Variants in TNS3 observed in about 807,000 individuals in gnomAD.
TNS3 encodes the protein tensin-3.
Under a neutral mutation model 140.9 loss-of-function variants are expected in TNS3, and 45 were observed. That is an observed-to-expected ratio of 0.32 (90% CI 0.25 to 0.41). The LOEUF (loss-of-function observed/expected upper bound fraction) is 0.41. Ranked by LOEUF, TNS3 falls within the 10% of genes least tolerant of loss-of-function variation. TNS3 has a pLI of 1.00. For missense variants in TNS3, 1,716 were observed against 1,906.7 expected, an observed-to-expected ratio of 0.90 and a Z score of 1.86; for synonymous variants, 815 against 788.4, an observed-to-expected ratio of 1.03 and a Z score of -0.56.
chr7:47,311,638 T>G (rs775297500), intron 20 of TNS3, among the ~76,000 whole-genome samples: 2 of 151,978 alleles, frequency 1.3e-5, no homozygotes, highest in Non-Finnish European at 2.9e-5. Context: ...GGAACAAGAC[T>G]GAGAAATACA....
intron 27 of TNS3, among the ~76,000 whole-genome samples, chr7:47,291,226 A>G (rs959384126): frequency 2.6e-5 from 4 of 152,128 alleles, no homozygotes; most frequent in Non-Finnish European, 4.4e-5. Context: ...GGGCAATAAA[A>G]CTATTCACTA....
intron 27 of TNS3, 55 bp downstream of exon 27, chr7:47,291,900 T>C: frequency 1.9e-6 from 3 of 1,570,810 alleles, no homozygotes; most frequent in Non-Finnish European, 1.7e-6. Flanking sequence ...GTTGTGTCAG[T>C]GAGTCCTTTT....
chr7:47,553,649 A>G (rs75494666), intron 1 of TNS3, among the ~76,000 whole-genome samples: 1,875 of 152,338 alleles, frequency 0.012, 36 homozygotes, highest in African/African-American at 0.042. Context: ...GTTTCAAAAT[A>G]TTACTACCTG....
At chr7:47,337,191 G>A (rs374273941) in intron 20 of TNS3, among the ~76,000 whole-genome samples, 13 of 152,206 alleles carry the variant, frequency 8.5e-5, no homozygotes, top group African/African-American at 2.9e-4. Flanking sequence ...TCTATTCCTC[G>A]GTCATAAATC....
chr7:47,354,622 A>G (rs1789882585), intron 17 of TNS3, among the ~76,000 whole-genome samples: 1 of 151,684 alleles, frequency 6.6e-6, no homozygotes, highest in Non-Finnish European at 1.5e-5. Flanking sequence ...AAAAAAAAAA[A>G]TCCTGCATCC....
intron 1 of TNS3, among the ~76,000 whole-genome samples, chr7:47,548,766 T>C (rs1267081902): frequency 6.6e-6 from 1 of 152,116 alleles, no homozygotes; most frequent in African/African-American, 2.4e-5. Flanking sequence ...ACTCCAAGCT[T>C]CTTCTCCCCT....
In TNS3 at chr7:47,391,728, G is replaced by A. The variant is rs542206007; in HGVS notation, c.1024+5072C>T. ...ATCCAGGGACACATATGCTGCTGTG[G>A]GCATTCCCTTAGACCATCACAGCAA... is the stretch of plus-strand genomic sequence containing the variant. On this transcript the variant is annotated intron_variant, in intron 16 of 30. Transcript: ENST00000311160. Among the ~76,000 whole-genome samples the A allele has an allele frequency of 9.9e-5, 15 of 152,252 alleles. No individual in the cohort carries two copies. In the South Asian group the frequency reaches 3.1e-3, roughly 32 times the overall value.
chr7:47,435,858 C>A (rs967849629), intron 7 of TNS3, among the ~76,000 whole-genome samples: 1 of 152,194 alleles, frequency 6.6e-6, no homozygotes, highest in African/African-American at 2.4e-5. Context: ...AAAGGCAGCA[C>A]TTAAGGAGGA....
intron 17 of TNS3, 21 bp downstream of exon 17, chr7:47,368,344 T>C: frequency 6.8e-7 from 1 of 1,463,654 alleles, no homozygotes. Flanking sequence ...GTGGAGCACC[T>C]CCCATGGAGA....
chr7:47,281,923 C>A (rs1584303333), intron 28 of TNS3, among the ~76,000 whole-genome samples: 1 of 148,252 alleles, frequency 6.7e-6, no homozygotes, highest in African/African-American at 2.5e-5. Flanking sequence ...CCTAGCCATG[C>A]CCCTGACCCT....
chr7:47,389,077 AGAAGAAGAG>A (rs1353066150), intron 16 of TNS3, among the ~76,000 whole-genome samples: 14 of 61,250 alleles, frequency 2.3e-4, no homozygotes, highest in African/African-American at 1.1e-3. Flanking sequence ...AAGAAGAAGA[AGAAGAAGAG>A]GAAGAGGAAG....
At position 47,320,900 on chromosome 7, in the gene TNS3, T is replaced by G. The variant is rs1055718812; in HGVS notation, c.2651-15897A>C. ...CAGAGTTCTCAGGGAATCTGCCAAG[T>G]TAGGGCATGAAAGGTGTTTACAGCA... On this transcript the variant is annotated intron_variant, in intron 20 of 30. Coordinates refer to ENST00000311160, the MANE Select transcript of TNS3 (RefSeq NM_022748.12). 3.3e-5 allele frequency among the ~76,000 whole-genome samples: 5 copies of G among 152,268 alleles called. No individual in the cohort carries two copies. The South Asian group carries it at 8.3e-4, about 25-fold the overall frequency.
chr7:47,564,658 AAC>A, intron 1 of TNS3, among the ~76,000 whole-genome samples: 4 of 148,668 alleles, frequency 2.7e-5, no homozygotes, highest in South Asian at 2.1e-4. Flanking sequence ...AACAAAAAAA[AAC>A]AAAAAAAGAC....
chr7:47,530,858 T>TATATATATATATATA (rs60516528), intron 1 of TNS3, among the ~76,000 whole-genome samples: 15 of 131,600 alleles, frequency 1.1e-4, no homozygotes, highest in Non-Finnish European at 1.5e-4. Flanking sequence ...TATATATATA[T>TATATATATATATATA]TTCTAGCACA....
chr7:47,416,944 T>A (rs1249596518), intron 10 of TNS3, among the ~76,000 whole-genome samples: 2 of 152,150 alleles, frequency 1.3e-5, no homozygotes, highest in Admixed American at 1.3e-4. Context: ...GGAAATCAGC[T>A]TCCTCAGCTC....
chr7:47,479,062 A>AG (rs1290266367), intron 4 of TNS3, among the ~76,000 whole-genome samples: 1 of 152,134 alleles, frequency 6.6e-6, no homozygotes, highest in Non-Finnish European at 1.5e-5. Context: ...GTCCTGACGC[A>AG]GGGGGAGGGC....
chr7:47,314,151 G>C (rs571579898), intron 20 of TNS3, among the ~76,000 whole-genome samples: 14 of 152,364 alleles, frequency 9.2e-5, no homozygotes, highest in Admixed American at 7.2e-4. Context: ...ATGGGCCTTG[G>C]CATTCCCAGA....
chr7:47,574,788 T>C (rs1320891848), intron 1 of TNS3, among the ~76,000 whole-genome samples: 1 of 152,116 alleles, frequency 6.6e-6, no homozygotes, highest in Non-Finnish European at 1.5e-5. Flanking sequence ...ATTCCACTTG[T>C]ATGAGGCACC....
chr7:47,405,724 A>AC (rs968928165), intron 13 of TNS3, among the ~76,000 whole-genome samples: 5 of 152,002 alleles, frequency 3.3e-5, no homozygotes, highest in African/African-American at 1.2e-4. Flanking sequence ...ATCTGTAGAA[A>AC]CCTCTCCTGG....
Sources: gnomAD v4.1 joint callset for allele counts (sites outside exome capture counted in the v4.1 genomes callset) on GRCh38, gnomAD v4.1.1 for gene constraint, MANE v1.5 for transcripts, NCBI Gene and HGNC (gene_info 2026-07-23, HGNC 2026-07-21) for gene names.